Variants in RAF1 observed in about 807,000 individuals in gnomAD.
The protein encoded by RAF1 is RAF proto-oncogene serine/threonine-protein kinase.
RAF1 carries 27 observed loss-of-function variants against 81.1 expected under a neutral mutation model. The observed-to-expected ratio is 0.33, with a 90% CI of 0.25 to 0.46. RAF1 has a LOEUF of 0.46. RAF1 is among the 20% of genes least tolerant of loss of function. RAF1 has a pLI of 1.00. For synonymous variants in RAF1, 298 were observed against 294.0 expected (o/e 1.01, Z -0.14); for missense variants, 598 against 826.0 (o/e 0.72, Z 3.38).
intron 11 of RAF1, among the ~76,000 whole-genome samples, chr3:12,593,078 T>C (rs2058570245): frequency 6.9e-6 from 1 of 144,260 alleles, no homozygotes; most frequent in African/African-American, 2.6e-5. Flanking sequence ...GCCTCTCTGT[T>C]GGAGCCTTCC....
intron 15 of RAF1, chr3:12,585,471 G>A (rs895346855): frequency 7.2e-6 from 7 of 975,574 alleles, no homozygotes; most frequent in Non-Finnish European, 8.5e-6. Context: ...CTGTCACCCA[G>A]CTTATTAACT....
chr3:12,627,897 A>AT (rs1235457691), intron 1 of RAF1, among the ~76,000 whole-genome samples: 1 of 152,258 alleles, frequency 6.6e-6, no homozygotes, highest in Non-Finnish European at 1.5e-5. Context: ...AAGCAGGTGG[A>AT]TAACCTGAGG....
intron 2 of RAF1, among the ~76,000 whole-genome samples, chr3:12,613,436 G>C (rs3773354): frequency 3.4e-3 from 422 of 124,824 alleles, no homozygotes; most frequent in Non-Finnish European, 4.3e-3. Flanking sequence ...CCCACACCCC[G>C]CCCCCAGAAG....
At chr3:12,659,220 G>A (rs2060796954) in intron 1 of RAF1, among the ~76,000 whole-genome samples, 2 of 151,726 alleles carry the variant, frequency 1.3e-5, no homozygotes, top group African/African-American at 4.8e-5. Context: ...TTGAGGTCAG[G>A]AGTTCAAGAC....
intron 1 of RAF1, among the ~76,000 whole-genome samples, chr3:12,657,947 T>A (rs969243172): frequency 6.6e-6 from 1 of 152,134 alleles, no homozygotes; most frequent in African/African-American, 2.4e-5. Flanking sequence ...CCTGATCTAC[T>A]TTCTGTCACT....
At chr3:12,587,482 T>C in intron 14 of RAF1, 109 bp downstream of exon 13, 2 of 1,087,396 alleles carry the variant, frequency 1.8e-6, no homozygotes, top group South Asian at 2.5e-5. Flanking sequence ...GCCTCTTTCC[T>C]TAAAAAGATA....
At chr3:12,649,510 G>A (rs2060454971) in intron 1 of RAF1, among the ~76,000 whole-genome samples, 1 of 151,654 alleles carries the variant, frequency 6.6e-6, no homozygotes, top group Non-Finnish European at 1.5e-5. Flanking sequence ...GAGGCGGGAG[G>A]ATCACTTGAG....
chr3:12,651,195 G>C (rs1172194140), intron 1 of RAF1, among the ~76,000 whole-genome samples: 2 of 152,050 alleles, frequency 1.3e-5, no homozygotes, highest in African/African-American at 2.4e-5. Flanking sequence ...TATTAGAGGG[G>C]ATCTTTTAAC....
intron 2 of RAF1, among the ~76,000 whole-genome samples, chr3:12,615,671 G>A (rs1453169903): frequency 2.6e-5 from 4 of 152,180 alleles, no homozygotes; most frequent in African/African-American, 9.7e-5. Flanking sequence ...CTCATAAGCT[G>A]TAGGAGAAGT....
intron 17 of RAF1, 42 bp from the exon 17 acceptor site, chr3:12,584,699 A>G (rs1330333959): frequency 6.2e-7 from 1 of 1,613,344 alleles, no homozygotes; most frequent in Admixed American, 1.7e-5. Flanking sequence ...CTGTGTCTCA[A>G]AGACACAGGA....
At chr3:12,604,315 A>G in intron 6 of RAF1, 26 bp from the exon 7 acceptor site, 5 of 1,609,386 alleles carry the variant, frequency 3.1e-6, no homozygotes, top group Non-Finnish European at 4.2e-6. Context: ...AAATTCCATG[A>G]TTGGCACTTA....
chr3:12,627,190 T>C (rs1399544510), intron 1 of RAF1, among the ~76,000 whole-genome samples: 4 of 152,168 alleles, frequency 2.6e-5, no homozygotes, highest in South Asian at 2.1e-4. Context: ...AGAGAAGACA[T>C]AGTGTATTCA....
In RAF1 at chr3:12,650,718, A is replaced by G. The variant is rs5746159; in HGVS notation, c.-27+13095T>C. 2.2e-3 allele frequency among the ~76,000 whole-genome samples: 335 copies of G among 152,350 alleles called. 1 individual carries two copies. Among genetic ancestry groups the G allele is most frequent in the African/African-American group, 7.7e-3 (321 of 41,592 alleles). On this transcript the variant is annotated intron_variant, in intron 1 of 17. Transcript: ENST00000442415. Reference sequence around the variant, plus strand: ...TTCAGAACCCCTTAAAGTAGAAGTAAAAACCACCACCGTTTAACAAAAATT... The same window carrying G: ...TTCAGAACCCCTTAAAGTAGAAGTAGAAACCACCACCGTTTAACAAAAATT...
intron 1 of RAF1, among the ~76,000 whole-genome samples, chr3:12,636,342 G>C (rs952008859): frequency 6.6e-6 from 1 of 151,668 alleles, no homozygotes; most frequent in African/African-American, 2.4e-5. Context: ...AAGCTACTTG[G>C]GAGGCTGAGA....
intron 1 of RAF1, among the ~76,000 whole-genome samples, chr3:12,634,560 G>A (rs186629626): frequency 3.9e-5 from 6 of 152,258 alleles, no homozygotes; most frequent in South Asian, 4.1e-4. Context: ...ATCTCCAGAA[G>A]GCCAATGGAG....
intron 1 of RAF1, among the ~76,000 whole-genome samples, chr3:12,626,646 C>A (rs996614204): frequency 6.6e-6 from 1 of 151,106 alleles, no homozygotes; most frequent in Non-Finnish European, 1.5e-5. Flanking sequence ...TTTGATGATA[C>A]TTTGGTAACA....
chr3:12,645,718 G>A (rs1203484087), intron 1 of RAF1, among the ~76,000 whole-genome samples: 4 of 151,958 alleles, frequency 2.6e-5, no homozygotes, highest in Admixed American at 2.0e-4. Flanking sequence ...GTACTGTACT[G>A]TATTTATTTA....
rs1475771446 is a variant in RAF1 at position 12,603,526 on chromosome 3, C to T, written c.846G>A (p.Leu282=). 1.4e-6 allele frequency: 1 copy of T among 701,082 alleles called. No homozygotes were observed. Among genetic ancestry groups the T allele is most frequent in the East Asian group, 2.7e-5 (1 of 37,264 alleles). The allele number at this position is 701,082 out of a possible 1,614,324, so 43.4% of individuals were successfully genotyped here. Residue 282 remains leucine (L), a synonymous_variant, in exon 8 of 18, where the codon CTG becomes CTA. Coordinates refer to ENST00000442415, the MANE Select transcript of RAF1 (RefSeq NM_001354689.3). ...TGGACCACGCCCTGGGAGAAGCACT[C>T]AGGTTGTTATTCTAGTCCAAAGCAA...
intron 8 of RAF1, among the ~76,000 whole-genome samples, chr3:12,602,545 G>C (rs2058893337): frequency 6.6e-6 from 1 of 151,940 alleles, no homozygotes; most frequent in Non-Finnish European, 1.5e-5. Context: ...TGTAGAGGTG[G>C]GGTTTTGCTA....
Sources: gnomAD v4.1 joint callset for allele counts (sites outside exome capture counted in the v4.1 genomes callset) on GRCh38, gnomAD v4.1.1 for gene constraint, MANE v1.5 for transcripts, NCBI Gene and HGNC (gene_info 2026-07-23, HGNC 2026-07-21) for gene names.